GRID1: variants seen among roughly 807,000 people sequenced by gnomAD.
GRID1 encodes the protein glutamate receptor ionotropic, delta-1.
In GRID1, 28 loss-of-function variants were observed where a neutral mutation model predicts 98.0. That is an observed-to-expected ratio of 0.29 (90% CI 0.21 to 0.39). The LOEUF (loss-of-function observed/expected upper bound fraction) is 0.39. GRID1 is among the 10% of genes least tolerant of loss of function. The pLI is 1.00. For missense variants in GRID1, 1,111 were observed against 1,340.5 expected (o/e 0.83, Z 2.67); for synonymous variants, 553 against 538.5 (o/e 1.03, Z -0.37).
chr10:86,291,779 A>G (rs1247577518), intron 2 of GRID1, among the ~76,000 whole-genome samples: 1 of 152,200 alleles, frequency 6.6e-6, no homozygotes, highest in African/African-American at 2.4e-5. Flanking sequence ...CCATTCCATC[A>G]ATGCTAGCAC....
intron 12 of GRID1, among the ~76,000 whole-genome samples, chr10:85,669,873 C>A (rs1360933779): frequency 6.6e-6 from 1 of 152,176 alleles, no homozygotes; most frequent in African/African-American, 2.4e-5. Context: ...GTGAATGGAG[C>A]TTAGGGAAAG....
At chr10:85,917,817 A>G (rs1487437817) in intron 4 of GRID1, among the ~76,000 whole-genome samples, 4 of 152,342 alleles carry the variant, frequency 2.6e-5, no homozygotes, top group Non-Finnish European at 1.5e-5. Context: ...CCTTTCTACA[A>G]ACTCAGTTAA....
chr10:86,010,584 C>T (rs1180304615), intron 4 of GRID1, among the ~76,000 whole-genome samples: 1 of 152,034 alleles, frequency 6.6e-6, no homozygotes. Context: ...TTTGGGAGGC[C>T]GAGGAGAATG....
At chr10:85,629,365 C>T (rs921935563) in intron 13 of GRID1, among the ~76,000 whole-genome samples, 6 of 152,162 alleles carry the variant, frequency 3.9e-5, no homozygotes, top group Non-Finnish European at 8.8e-5. Flanking sequence ...TGTAATTTCT[C>T]ATCCCTTACC....
chr10:86,246,278 T>C (rs1286232715), intron 2 of GRID1, among the ~76,000 whole-genome samples: 1 of 152,130 alleles, frequency 6.6e-6, no homozygotes, highest in Non-Finnish European at 1.5e-5. Context: ...GCCAGGCAGG[T>C]AAAGCCACAG....
At chr10:86,053,543 G>A (rs1255508193) in intron 4 of GRID1, among the ~76,000 whole-genome samples, 1 of 151,778 alleles carries the variant, frequency 6.6e-6, no homozygotes, top group African/African-American at 2.4e-5. Flanking sequence ...TGTATTTTTA[G>A]TAGAGATGGG....
At chr10:85,680,440 C>A (rs1002589413) in intron 12 of GRID1, among the ~76,000 whole-genome samples, 14 of 152,204 alleles carry the variant, frequency 9.2e-5, no homozygotes, top group Admixed American at 5.9e-4. Context: ...CATCCATCTG[C>A]CATTCAGCAT....
chr10:85,943,131 A>T (rs1842015359), intron 4 of GRID1, among the ~76,000 whole-genome samples: 2 of 152,192 alleles, frequency 1.3e-5, no homozygotes, highest in South Asian at 4.1e-4. Context: ...CACTTGATAA[A>T]CTATTTCTGG....
At chr10:86,248,332 G>A (rs1846764515) in intron 2 of GRID1, among the ~76,000 whole-genome samples, 1 of 152,266 alleles carries the variant, frequency 6.6e-6, no homozygotes. Context: ...CACCTCAGCA[G>A]GTGGCCATAT....
At chr10:86,247,579 G>A (rs1182034553) in intron 2 of GRID1, among the ~76,000 whole-genome samples, 1 of 152,194 alleles carries the variant, frequency 6.6e-6, no homozygotes, top group African/African-American at 2.4e-5. Context: ...GTCTCCAAGG[G>A]CAGAAGGCTA....
chr10:85,781,817 AAC>A (rs1235788195), intron 8 of GRID1, among the ~76,000 whole-genome samples: 4 of 151,754 alleles, frequency 2.6e-5, no homozygotes, highest in African/African-American at 9.7e-5. Flanking sequence ...AAAAAAAAAA[AAC>A]CAAAAACTAG....
At chr10:86,067,092 C>G (rs1202737224) in intron 4 of GRID1, among the ~76,000 whole-genome samples, 1 of 152,206 alleles carries the variant, frequency 6.6e-6, no homozygotes, top group African/African-American at 2.4e-5. Context: ...TAATGAGGCA[C>G]GCAGGATGCC....
chr10:85,941,987 T>C (rs536027079), intron 4 of GRID1, among the ~76,000 whole-genome samples: 2 of 152,328 alleles, frequency 1.3e-5, no homozygotes, highest in Middle Eastern at 3.4e-3. Flanking sequence ...AGTGGGGCAC[T>C]GGAGGGGTCA....
chr10:86,316,050 C>T (rs1564736940), intron 2 of GRID1, among the ~76,000 whole-genome samples: 1 of 152,218 alleles, frequency 6.6e-6, no homozygotes, highest in Non-Finnish European at 1.5e-5. Flanking sequence ...CCATCCCCCA[C>T]TTTGATGAGA....
rs77472651 is a variant in GRID1, at chr10:85,986,644, G to A, written c.727-70405C>T. On this transcript the variant is annotated intron_variant, in intron 4 of 15. Coordinates refer to ENST00000327946, the MANE Select transcript of GRID1 (RefSeq NM_017551.3). ...GTCTGTGCCAGGCCCACAGAGGTGA[G>A]GAAAGAGACTGAGATGCCAGGCTTC... Among the ~76,000 whole-genome samples the A allele has an allele frequency of 8.3e-3, 1,258 of 152,290 alleles. 23 individuals carry two copies. Among genetic ancestry groups the A allele is most frequent in the African/African-American group, 0.028 (1,178 of 41,546 alleles).
chr10:85,619,804 T>C, intron 14 of GRID1, 63 bp downstream of exon 14: 2 of 1,300,070 alleles, frequency 1.5e-6, no homozygotes, highest in Admixed American at 1.8e-5. Flanking sequence ...TAAGAGGTTA[T>C]TCTCCTACCC....
intron 2 of GRID1, among the ~76,000 whole-genome samples, chr10:86,343,821 G>C (rs1005342148): frequency 2.0e-5 from 3 of 152,258 alleles, no homozygotes. Context: ...CCCAGCCAGG[G>C]ACCCCGCCTT....
At chr10:86,049,928 C>T (rs1247548898) in intron 4 of GRID1, among the ~76,000 whole-genome samples, 2 of 152,192 alleles carry the variant, frequency 1.3e-5, no homozygotes, top group Non-Finnish European at 2.9e-5. Flanking sequence ...GACTCTCCTC[C>T]GTTCACAGGG....
chr10:85,938,128 C>G (rs1329195300), intron 4 of GRID1, among the ~76,000 whole-genome samples: 3 of 152,170 alleles, frequency 2.0e-5, no homozygotes, highest in Admixed American at 2.0e-4. Context: ...TGCCTCCTTT[C>G]CAATTATGAT....
Sources: gnomAD v4.1 joint callset for allele counts (sites outside exome capture counted in the v4.1 genomes callset) on GRCh38, gnomAD v4.1.1 for gene constraint, MANE v1.5 for transcripts, NCBI Gene and HGNC (gene_info 2026-07-23, HGNC 2026-07-21) for gene names.